The following CTNND2 variants were observed in gnomAD, a reference collection of about 807,000 sequenced individuals.
CTNND2 encodes catenin delta 2.
In CTNND2, 22 loss-of-function variants were observed where a neutral mutation model predicts 144.4. That is an observed-to-expected ratio of 0.15 (90% CI 0.11 to 0.22). The LOEUF (loss-of-function observed/expected upper bound fraction) is 0.22. Ranked by LOEUF, CTNND2 falls within the 10% of genes least tolerant of loss-of-function variation. The pLI is 1.00. For missense variants in CTNND2, 1,353 were observed against 1,618.8 expected (o/e 0.84, Z 2.82); for synonymous variants, 751 against 695.6 (o/e 1.08, Z -1.25).
At chr5:11,189,637 ATGTTACTGGTAAGG>A (rs1168294325) in intron 11 of CTNND2, among the ~76,000 whole-genome samples, 1 of 152,202 alleles carries the variant, frequency 6.6e-6, no homozygotes, top group African/African-American at 2.4e-5. Context: ...TTGACTTTTT[ATGTTACTGGTAAGG>A]TGTCCAGTCA....
intron 5 of CTNND2, among the ~76,000 whole-genome samples, chr5:11,402,646 T>C (rs935861233): frequency 6.6e-6 from 1 of 152,210 alleles, no homozygotes. Context: ...TTGGAGGAGT[T>C]TCTCTGAGGA....
At chr5:11,684,993 C>T (rs1784578835) in intron 2 of CTNND2, among the ~76,000 whole-genome samples, 1 of 152,198 alleles carries the variant, frequency 6.6e-6, no homozygotes, top group Admixed American at 6.5e-5. Flanking sequence ...AATCATTAGG[C>T]TGATGCTTCA....
At chr5:11,543,562 C>G (rs1774948494) in intron 3 of CTNND2, among the ~76,000 whole-genome samples, 1 of 151,796 alleles carries the variant, frequency 6.6e-6, no homozygotes, top group Non-Finnish European at 1.5e-5. Flanking sequence ...CATACTGGAG[C>G]TACTAAAACC....
intron 2 of CTNND2, among the ~76,000 whole-genome samples, chr5:11,705,281 G>A (rs1214194806): frequency 6.6e-6 from 1 of 152,164 alleles, no homozygotes; most frequent in Non-Finnish European, 1.5e-5. Flanking sequence ...ATGTGTCTGA[G>A]CACTACGCCA....
At chr5:11,145,796 T>G (rs1473413584) in intron 12 of CTNND2, among the ~76,000 whole-genome samples, 1 of 152,194 alleles carries the variant, frequency 6.6e-6, no homozygotes, top group African/African-American at 2.4e-5. Context: ...ATGACGCTCC[T>G]TCACAGACAG....
chr5:11,425,950 T>A (rs1193393148), intron 3 of CTNND2, among the ~76,000 whole-genome samples: 5 of 152,156 alleles, frequency 3.3e-5, no homozygotes, highest in African/African-American at 1.2e-4. Context: ...TTCCTCCACC[T>A]CCATCAGCCT....
At chr5:11,618,808 G>A (rs1346108626) in intron 2 of CTNND2, among the ~76,000 whole-genome samples, 4 of 151,958 alleles carry the variant, frequency 2.6e-5, no homozygotes. Flanking sequence ...CATATATTGA[G>A]TATCATTTGT....
intron 8 of CTNND2, among the ~76,000 whole-genome samples, chr5:11,354,210 G>A (rs972908157): frequency 3.3e-5 from 5 of 152,204 alleles, no homozygotes; most frequent in African/African-American, 4.8e-5. Context: ...AGTTTGGTGA[G>A]AACAGAATTA....
At chr5:11,744,714 CGT>C (rs560000345) in intron 1 of CTNND2, among the ~76,000 whole-genome samples, 69 of 149,776 alleles carry the variant, frequency 4.6e-4, no homozygotes, top group African/African-American at 1.1e-3. Context: ...TGTGTGTGCA[CGT>C]GTGTGTGTGT....
intron 2 of CTNND2, among the ~76,000 whole-genome samples, chr5:11,566,973 C>G (rs1479751310): frequency 6.6e-6 from 1 of 152,134 alleles, no homozygotes; most frequent in African/African-American, 2.4e-5. Context: ...TGGTGCAGTT[C>G]TTTGGGTAAA....
chr5:11,880,503 A>ACTG (rs1289179690), intron 1 of CTNND2, among the ~76,000 whole-genome samples: 1 of 133,348 alleles, frequency 7.5e-6, no homozygotes, highest in East Asian at 2.1e-4. Context: ...TGCTACTAGT[A>ACTG]CTACTACTAC....
intron 3 of CTNND2, among the ~76,000 whole-genome samples, chr5:11,430,387 T>G (rs1436480539): frequency 2.7e-5 from 4 of 146,402 alleles, no homozygotes; most frequent in African/African-American, 5.1e-5. Flanking sequence ...GTCAGGGTAG[T>G]TCAAAAATAA....
chr5:11,351,770 T>C (rs1189706573), intron 8 of CTNND2, among the ~76,000 whole-genome samples: 1 of 152,204 alleles, frequency 6.6e-6, no homozygotes, highest in East Asian at 1.9e-4. Flanking sequence ...TTTAAGTATA[T>C]CTGCATATAC....
intron 11 of CTNND2, among the ~76,000 whole-genome samples, chr5:11,185,134 C>T (rs983356000): frequency 6.6e-6 from 1 of 152,212 alleles, no homozygotes; most frequent in African/African-American, 2.4e-5. Flanking sequence ...CCATTACCTG[C>T]ACGCCAAACC....
In CTNND2 at chr5:11,791,839, C is replaced by A. The variant is rs142683235; in HGVS notation, c.38-59567G>T. On this transcript the variant is annotated intron_variant, in intron 1 of 21. Coordinates refer to ENST00000304623, the MANE Select transcript of CTNND2 (RefSeq NM_001332.4). ...GTCTTCAGAATTTCACCCTCCCCAT[C>A]CCTCCCTATTTTCTGAGTGCTGAGA... is the stretch of plus-strand genomic sequence containing the variant. Among the ~76,000 whole-genome samples, 793 of 152,248 alleles carry A rather than the reference C, an allele frequency of 5.2e-3. 2 individuals carry two copies. Among genetic ancestry groups the A allele is most frequent in the African/African-American group, 0.018 (749 of 41,552 alleles).
At chr5:11,323,135 G>A (rs114618362) in intron 9 of CTNND2, among the ~76,000 whole-genome samples, 3,328 of 151,546 alleles carry the variant, frequency 0.022, 118 homozygotes, top group African/African-American at 0.077. Flanking sequence ...AACTCCTGGG[G>A]TTAAGTGATT....
At chr5:11,276,337 G>A (rs1050319165) in intron 9 of CTNND2, among the ~76,000 whole-genome samples, 3 of 152,206 alleles carry the variant, frequency 2.0e-5, no homozygotes, top group Admixed American at 1.3e-4. Flanking sequence ...TGTGAGCACT[G>A]TGTCTGGGGC....
intron 9 of CTNND2, among the ~76,000 whole-genome samples, chr5:11,267,246 A>T (rs1286664450): frequency 2.6e-5 from 4 of 152,122 alleles, no homozygotes; most frequent in Non-Finnish European, 5.9e-5. Flanking sequence ...GACCTGATGG[A>T]TTCTCCCCAC....
intron 3 of CTNND2, among the ~76,000 whole-genome samples, chr5:11,454,447 A>C (rs1036657269): frequency 2.6e-5 from 4 of 152,124 alleles, no homozygotes; most frequent in African/African-American, 9.7e-5. Flanking sequence ...AATAATAAAA[A>C]ATTAAATTCA....
Sources: gnomAD v4.1 joint callset for allele counts (sites outside exome capture counted in the v4.1 genomes callset) on GRCh38, gnomAD v4.1.1 for gene constraint, MANE v1.5 for transcripts, NCBI Gene and HGNC (gene_info 2026-07-23, HGNC 2026-07-21) for gene names.